The following KSR2 variants were observed in gnomAD, a reference collection of about 807,000 sequenced individuals.
The protein encoded by KSR2 is kinase suppressor of ras 2.
A neutral mutation model predicts 107.8 loss-of-function variants in KSR2; 25 were observed. The observed-to-expected ratio is 0.23, with a 90% CI of 0.17 to 0.32. The LOEUF (loss-of-function observed/expected upper bound fraction) is 0.32. Ranked by LOEUF, KSR2 falls within the 10% of genes least tolerant of loss-of-function variation. KSR2 has a pLI of 1.00. For missense variants in KSR2, 887 were observed against 1,268.9 expected (o/e 0.70, Z 4.57); for synonymous variants, 480 against 507.0 (o/e 0.95, Z 0.71).
intron 5 of KSR2, among the ~76,000 whole-genome samples, chr12:117,595,584 C>T (rs1160477707): frequency 1.3e-5 from 2 of 151,914 alleles, no homozygotes; most frequent in African/African-American, 2.4e-5. Context: ...AGGATGGTCT[C>T]GATCTCCTGA....
chr12:117,849,868 A>G (rs2137201514), intron 3 of KSR2, among the ~76,000 whole-genome samples: 1 of 152,326 alleles, frequency 6.6e-6, no homozygotes, highest in African/African-American at 2.4e-5. Context: ...ACAAACATGC[A>G]TCCAGCCCTC....
At chr12:117,943,141 A>C (rs1182118669) in intron 1 of KSR2, among the ~76,000 whole-genome samples, 1 of 152,180 alleles carries the variant, frequency 6.6e-6, no homozygotes, top group South Asian at 2.1e-4. Context: ...GGTGTCAACA[A>C]TGTCCATATG....
chr12:117,756,996 A>C (rs544453401), intron 4 of KSR2, among the ~76,000 whole-genome samples: 2 of 151,178 alleles, frequency 1.3e-5, no homozygotes, highest in Admixed American at 1.3e-4. Flanking sequence ...TGGAGGTTGC[A>C]GTGAGCCGAG....
chr12:117,611,635 G>A (rs1285601008), intron 5 of KSR2, among the ~76,000 whole-genome samples: 1 of 152,126 alleles, frequency 6.6e-6, no homozygotes, highest in African/African-American at 2.4e-5. Context: ...CCAAGAACAG[G>A]TCCCGAGTAG....
Position 117,730,512 on chromosome 12 carries a change from C to T in KSR2, c.986+30499G>A, listed in dbSNP as rs12812839. ...CCTCTCCCTCTCCCCCTTCCACGGT[C>T]TCCCTCTCCCTCATCTCCCCTTTCC... is the stretch of plus-strand genomic sequence containing the variant. On this transcript the variant is annotated intron_variant, in intron 4 of 19. Transcript: ENST00000339824. 5.0e-3 allele frequency among the ~76,000 whole-genome samples: 754 copies of T among 150,944 alleles called. 6 individuals are homozygous for T. Among genetic ancestry groups the T allele is most frequent in the Middle Eastern group, 0.031 (9 of 292 alleles).
At chr12:117,565,224 C>T (rs921735064) in intron 7 of KSR2, among the ~76,000 whole-genome samples, 2 of 152,152 alleles carry the variant, frequency 1.3e-5, no homozygotes, top group Admixed American at 6.5e-5. Context: ...GTTCATTGGG[C>T]GATTCTAACC....
chr12:117,574,928 G>T (rs1375279313), intron 7 of KSR2, among the ~76,000 whole-genome samples: 1 of 151,126 alleles, frequency 6.6e-6, no homozygotes, highest in African/African-American at 2.4e-5. Flanking sequence ...TCCCTCCAGG[G>T]AAGGATCAAA....
chr12:117,945,564 C>T (rs1896156653), intron 1 of KSR2, among the ~76,000 whole-genome samples: 1 of 152,094 alleles, frequency 6.6e-6, no homozygotes, highest in South Asian at 2.1e-4. Context: ...CACCCAGCTA[C>T]TCGGGAGGCT....
At position 117,537,283 on chromosome 12, in the gene KSR2, T is replaced by G. The variant is rs367559992; in HGVS notation, c.1687+2436A>C. Reference sequence around the variant, plus strand: ...TACCTTCCCCAAATGTTGAGTTCAGTTCATACTCCTATGTCAAGGTATATG... The same window carrying G: ...TACCTTCCCCAAATGTTGAGTTCAGGTCATACTCCTATGTCAAGGTATATG... On this transcript the variant is annotated intron_variant, in intron 10 of 19. Coordinates refer to ENST00000339824, the MANE Select transcript of KSR2 (RefSeq NM_173598.6). 3.3e-5 allele frequency among the ~76,000 whole-genome samples: 5 copies of G among 152,324 alleles called. No individual in the cohort carries two copies. In the East Asian group the frequency reaches 5.8e-4, roughly 18 times the overall value.
At chr12:117,707,649 C>A (rs1285622593) in intron 4 of KSR2, among the ~76,000 whole-genome samples, 1 of 152,162 alleles carries the variant, frequency 6.6e-6, no homozygotes, top group African/African-American at 2.4e-5. Context: ...ACAGAGAGTA[C>A]TAAGCATTGT....
intron 4 of KSR2, among the ~76,000 whole-genome samples, chr12:117,733,596 G>T (rs1887816841): frequency 6.6e-6 from 1 of 152,130 alleles, no homozygotes; most frequent in South Asian, 2.1e-4. Flanking sequence ...TGGCTGCCAA[G>T]AGCCTGCTGT....
chr12:117,536,390 G>C (rs1876056830), intron 10 of KSR2, among the ~76,000 whole-genome samples: 1 of 152,146 alleles, frequency 6.6e-6, no homozygotes, highest in African/African-American at 2.4e-5. Flanking sequence ...AGGCCCAACT[G>C]TACTTCCAAA....
chr12:117,615,242 C>T (rs868380954), intron 5 of KSR2, among the ~76,000 whole-genome samples: 1 of 101,750 alleles, frequency 9.8e-6, no homozygotes, highest in Admixed American at 1.0e-4. Flanking sequence ...CACACACACA[C>T]ACACACACAC....
chr12:117,765,737 A>C (rs1254085921), intron 3 of KSR2, among the ~76,000 whole-genome samples: 2 of 152,204 alleles, frequency 1.3e-5, no homozygotes, highest in African/African-American at 4.8e-5. Flanking sequence ...GCACAGAGAC[A>C]AAACAAGTGT....
At chr12:117,608,585 A>C (rs1289300803) in intron 5 of KSR2, among the ~76,000 whole-genome samples, 1 of 152,184 alleles carries the variant, frequency 6.6e-6, no homozygotes, top group Admixed American at 6.5e-5. Context: ...CACCCTATGT[A>C]TAGGTGCCCA....
At chr12:117,514,544 C>CTTTT (rs55927845) in intron 14 of KSR2, among the ~76,000 whole-genome samples, 1 of 130,068 alleles carries the variant, frequency 7.7e-6, no homozygotes, top group African/African-American at 3.0e-5. Flanking sequence ...CTCTCTCTCT[C>CTTTT]TTTTTTTTTT....
intron 3 of KSR2, among the ~76,000 whole-genome samples, chr12:117,783,199 G>A (rs770083517): frequency 2.0e-5 from 3 of 152,078 alleles, no homozygotes; most frequent in South Asian, 2.1e-4. Flanking sequence ...CCCTTACAAC[G>A]GCACTACAAG....
chr12:117,921,136 C>T (rs1471090898), intron 1 of KSR2, among the ~76,000 whole-genome samples: 3 of 152,148 alleles, frequency 2.0e-5, no homozygotes, highest in African/African-American at 7.2e-5. Flanking sequence ...GCCTCAGTTT[C>T]CTCATCTGCA....
rs189734734 is a variant in KSR2 at position 117,558,625 on chromosome 12, G to A, written c.1326-52C>T. The A allele has an allele frequency of 4.9e-5, 69 of 1,405,698 alleles. No individual in the cohort carries two copies. The East Asian group carries it at 8.7e-4, about 18-fold the overall frequency. 87.1% of individuals were successfully genotyped at this position (1,405,698 alleles called of 1,614,324 possible). A position where few individuals can be genotyped will look rare whatever the true frequency, so the allele number is the denominator to read the frequency against. ...TGGATAGGTGAATGGCTGAGTGAGC[G>A]GGTAGGTGGGTGGGTGGATGAATGG... is the stretch of plus-strand genomic sequence containing the variant. On this transcript the variant is annotated intron_variant, in intron 7 of 19. Coordinates refer to ENST00000339824, the MANE Select transcript of KSR2 (RefSeq NM_173598.6).
Sources: gnomAD v4.1 joint callset for allele counts (sites outside exome capture counted in the v4.1 genomes callset) on GRCh38, gnomAD v4.1.1 for gene constraint, MANE v1.5 for transcripts, NCBI Gene and HGNC (gene_info 2026-07-23, HGNC 2026-07-21) for gene names.